The following NOX4 variants were observed in gnomAD, a reference collection of about 807,000 sequenced individuals.
NOX4 encodes the protein kidney oxidase-1.
In NOX4, 69 loss-of-function variants were observed where a neutral mutation model predicts 87.6. The ratio of observed to expected loss-of-function variants is 0.79; its 90% CI spans 0.65 to 0.96. The LOEUF is 0.96. NOX4 is among the 40% of genes least tolerant of loss of function. NOX4 has a pLI of 0.00. For synonymous variants in NOX4, 275 were observed against 238.2 expected (o/e 1.15, Z -1.42); for missense variants, 680 against 681.5 (o/e 1.00, Z 0.02).
chr11:89,397,134 C>G (rs955914260), intron 11 of NOX4, among the ~76,000 whole-genome samples: 1 of 152,156 alleles, frequency 6.6e-6, no homozygotes. Context: ...GACCACAGTG[C>G]AATCAAGTTA....
At chr11:89,415,760 A>T (rs1942733756) in intron 8 of NOX4, among the ~76,000 whole-genome samples, 1 of 152,116 alleles carries the variant, frequency 6.6e-6, no homozygotes, top group African/African-American at 2.4e-5. Flanking sequence ...ACTGATAACG[A>T]GTATGCCAGA....
At chr11:89,415,574 A>C (rs1942721143) in intron 8 of NOX4, among the ~76,000 whole-genome samples, 1 of 152,126 alleles carries the variant, frequency 6.6e-6, no homozygotes, top group East Asian at 1.9e-4. Context: ...AAATATACAT[A>C]TGTGTCTCAA....
At chr11:89,501,984 T>C (rs1947027047), upstream of NOX4, among the ~76,000 whole-genome samples, 1 of 152,104 alleles carries the variant, frequency 6.6e-6, no homozygotes, top group Admixed American at 6.6e-5. Flanking sequence ...AAGGAAGATA[T>C]GTAACTTGTA....
At chr11:89,425,860 C>CAT (rs746912444) in intron 7 of NOX4, among the ~76,000 whole-genome samples, 321 of 151,780 alleles carry the variant, frequency 2.1e-3, no homozygotes, top group South Asian at 9.8e-3. Flanking sequence ...AGCATATATA[C>CAT]ATATATATAT....
chr11:89,342,992 A>T (rs797012748), intron 13 of NOX4, among the ~76,000 whole-genome samples: 1 of 152,168 alleles, frequency 6.6e-6, no homozygotes, highest in Admixed American at 6.5e-5. Context: ...GACTCCCTGC[A>T]TCTGTTTTGG....
chr11:89,461,195 T>C (rs915694581), intron 2 of NOX4, among the ~76,000 whole-genome samples: 3 of 151,790 alleles, frequency 2.0e-5, no homozygotes, highest in Admixed American at 1.3e-4. Context: ...CATTAGGAGA[T>C]ATACCTAATG....
intron 6 of NOX4, among the ~76,000 whole-genome samples, chr11:89,436,588 G>A (rs1944091156): frequency 6.6e-6 from 1 of 151,916 alleles, no homozygotes; most frequent in South Asian, 2.1e-4. Context: ...ATGAATAATT[G>A]CATGACATTG....
chr11:89,530,359 T>TTC, the NOX4 span, among the ~76,000 whole-genome samples: 3 of 150,560 alleles, frequency 2.0e-5, no homozygotes, highest in East Asian at 5.9e-4. Context: ...TTTTTTTTTT[T>TTC]TGAGATGGAG....
chr11:89,353,718 A>C (rs556713563), intron 13 of NOX4, among the ~76,000 whole-genome samples: 1 of 152,138 alleles, frequency 6.6e-6, no homozygotes, highest in East Asian at 1.9e-4. Context: ...TACCCTCTTC[A>C]AGCAAAGGCA....
rs1382768353 is a variant in NOX4, at chr11:89,491,238, C to G, written c.9G>C (p.Val3=). The G allele has an allele frequency of 3.7e-6, 6 of 1,613,208 alleles. No individual in the cohort carries two copies. In the South Asian group the frequency reaches 6.6e-5, roughly 18 times the overall value. The change falls in exon 1 of 18, where the codon GTG becomes GTC. Residue 3 remains valine, a synonymous_variant. Transcript: ENST00000263317. ...CGTTGGCGAGCCAGCTCCTCCAGGA[C>G]ACAGCCATGCCGCCGGCCCCGCCGC... The part of the protein sequence containing the change: MA[V]SWRSWLANEG...
At position 89,353,820 on chromosome 11, in the gene NOX4, C is replaced by T. The variant is rs978246812; in HGVS notation, c.1217+1142G>A. On this transcript the variant is annotated intron_variant, in intron 13 of 17. Transcript: ENST00000263317. Reference sequence around the variant, plus strand: ...AAGTAAAAATACAAATAGGCGTGCACCAATCCTTTTAGGCACATTCATGCT... The same window carrying T: ...AAGTAAAAATACAAATAGGCGTGCATCAATCCTTTTAGGCACATTCATGCT... Among the ~76,000 whole-genome samples the T allele has an allele frequency of 5.1e-4, 77 of 152,266 alleles. 1 individual carries two copies. The highest frequency in any genetic ancestry group is 1.8e-3 in the African/African-American group (73 of 41,554).
the NOX4 span, among the ~76,000 whole-genome samples, chr11:89,521,520 C>A: frequency 5.3e-5 from 8 of 151,830 alleles, no homozygotes; most frequent in Admixed American, 5.3e-4. Flanking sequence ...TTACCACATA[C>A]AAAATTAATT....
chr11:89,332,855 C>T (rs1945532328), intron 17 of NOX4, among the ~76,000 whole-genome samples: 1 of 151,748 alleles, frequency 6.6e-6, no homozygotes, highest in Admixed American at 6.6e-5. Flanking sequence ...CAGGTTGACT[C>T]CCAAAGCTCC....
chr11:89,474,457 C>CAAAAAAAAA (rs1946081314), intron 2 of NOX4, among the ~76,000 whole-genome samples: 1 of 60,670 alleles, frequency 1.6e-5, no homozygotes, highest in Non-Finnish European at 2.8e-5. Context: ...ATCTATAATA[C>CAAAAAAAAA]CAAAAAAAAA....
At chr11:89,344,535 G>A (rs1327659530) in intron 13 of NOX4, among the ~76,000 whole-genome samples, 1 of 152,186 alleles carries the variant, frequency 6.6e-6, no homozygotes, top group African/African-American at 2.4e-5. Context: ...GGGTGACAGA[G>A]TAAAACTCAG....
chr11:89,398,368 T>G (rs1377233595), intron 11 of NOX4, among the ~76,000 whole-genome samples: 1 of 151,972 alleles, frequency 6.6e-6, no homozygotes, highest in African/African-American at 2.4e-5. Flanking sequence ...TCATACTGAA[T>G]GGGCAAAAAC....
chr11:89,397,333 C>A (rs539508736), intron 11 of NOX4, among the ~76,000 whole-genome samples: 45 of 152,088 alleles, frequency 3.0e-4, no homozygotes, highest in East Asian at 2.9e-3. Context: ...GTAGAGAGAA[C>A]TTTATAGCAC....
At chr11:89,399,359 T>G (rs1429638086) in intron 11 of NOX4, among the ~76,000 whole-genome samples, 1 of 144,782 alleles carries the variant, frequency 6.9e-6, no homozygotes, top group African/African-American at 2.5e-5. Context: ...CCAAAGAAAA[T>G]TGTGCATATA....
At chr11:89,574,725 C>G in the NOX4 span, among the ~76,000 whole-genome samples, 1 of 152,162 alleles carries the variant, frequency 6.6e-6, no homozygotes, top group Non-Finnish European at 1.5e-5. Flanking sequence ...ACAAATTATT[C>G]ACTTTACTCA....
Sources: allele counts gnomAD v4.1 joint callset (sites outside exome capture counted in the v4.1 genomes callset), GRCh38; gene constraint gnomAD v4.1.1; transcripts MANE v1.5; gene names NCBI Gene and HGNC (gene_info 2026-07-23, HGNC 2026-07-21).